The following SYN3 variants were observed in gnomAD, a reference collection of about 807,000 sequenced individuals.
The protein encoded by SYN3 is synapsin III.
Under a neutral mutation model 65.8 loss-of-function variants are expected in SYN3, and 35 were observed. The observed-to-expected ratio is 0.53, with a 90% confidence interval of 0.41 to 0.70. The LOEUF is 0.70. Among genes scored for constraint, SYN3 ranks in the 30% least tolerant of loss-of-function variants. The pLI, the probability that SYN3 is intolerant of heterozygous loss-of-function variation, is 0.00. For synonymous variants in SYN3, 270 were observed against 292.9 expected, an observed-to-expected ratio of 0.92 and a Z score of 0.80; for missense variants, 680 against 749.0, an observed-to-expected ratio of 0.91 and a Z score of 1.08.
At chr22:32,895,882 C>A (rs753519831) in intron 4 of SYN3, among the ~76,000 whole-genome samples, 1 of 152,116 alleles carries the variant, frequency 6.6e-6, no homozygotes, top group African/African-American at 2.4e-5. Context: ...ACCAACCCAG[C>A]CTGTTATTTA....
intron 4 of SYN3, among the ~76,000 whole-genome samples, chr22:32,913,932 T>A (rs1217041299): frequency 6.6e-6 from 1 of 152,248 alleles, no homozygotes; most frequent in Admixed American, 6.5e-5. Flanking sequence ...TTGTGTTTTG[T>A]GCTTTGATGA....
intron 4 of SYN3, among the ~76,000 whole-genome samples, chr22:32,882,638 G>A (rs1280333900): frequency 1.3e-5 from 2 of 152,256 alleles, no homozygotes; most frequent in East Asian, 1.9e-4. Context: ...GCTCCAGAGC[G>A]GGTGTCTTAA....
At chr22:32,635,099 A>G (rs977027035) in intron 6 of SYN3, 1 of 152,116 alleles carries the variant, frequency 6.6e-6, no homozygotes, top group African/African-American at 2.4e-5. Flanking sequence ...CTTGTTGTAT[A>G]TCGGTCTACA....
chr22:32,513,406 A>C lies in SYN3; in HGVS notation c.*286T>G. On this transcript the variant is annotated 3_prime_UTR_variant, in exon 14 of 14. Transcript: ENST00000358763. ...ATCTCACTTGGTTATCTGGCAGGTA[A>C]GCAGGCACGTGGGTAGGCAGAGGGT... 1 of 302,802 alleles carries C rather than the reference A, an allele frequency of 3.3e-6. No individual in the cohort carries two copies. The highest frequency in any genetic ancestry group is 6.1e-6 in the Non-Finnish European group (1 of 163,080). 18.8% of individuals were successfully genotyped at this position (302,802 alleles called of 1,614,324 possible).
chr22:32,572,244 T>TCCTC (rs2058769169), intron 7 of SYN3, among the ~76,000 whole-genome samples: 1 of 111,652 alleles, frequency 9.0e-6, no homozygotes, highest in African/African-American at 3.8e-5. Flanking sequence ...AGATTCTGGC[T>TCCTC]CCTTCCTTCC....
chr22:32,965,760 T>C (rs993031239), intron 3 of SYN3, among the ~76,000 whole-genome samples: 3 of 152,148 alleles, frequency 2.0e-5, no homozygotes, highest in East Asian at 1.9e-4. Context: ...AGTGGCACGA[T>C]CTCGGCTCAC....
chr22:32,771,941 C>T (rs1602109039), intron 6 of SYN3, among the ~76,000 whole-genome samples: 1 of 152,008 alleles, frequency 6.6e-6, no homozygotes, highest in East Asian at 1.9e-4. Flanking sequence ...TGCTTGGAAG[C>T]AGGTTTGTTT....
intron 6 of SYN3, among the ~76,000 whole-genome samples, chr22:32,675,863 C>T (rs1298717746): frequency 6.6e-6 from 1 of 152,136 alleles, no homozygotes; most frequent in Non-Finnish European, 1.5e-5. Flanking sequence ...TTCCCCTTTG[C>T]CCTAGGAGCC....
chr22:32,938,743 G>A (rs1219015432), intron 3 of SYN3, among the ~76,000 whole-genome samples: 8 of 151,950 alleles, frequency 5.3e-5, no homozygotes, highest in Non-Finnish European at 1.2e-4. Context: ...CCTGGCCAAC[G>A]TGGCAAAACC....
At chr22:32,751,379 G>A (rs933277011) in intron 6 of SYN3, among the ~76,000 whole-genome samples, 3 of 152,172 alleles carry the variant, frequency 2.0e-5, no homozygotes, top group East Asian at 1.9e-4. Context: ...GGGGAAAGGC[G>A]AAAGTGCTTT....
In SYN3 at chr22:32,837,911, T is replaced by C. The variant is rs2047780994; in HGVS notation, c.711+27004A>G. Among the ~76,000 whole-genome samples, 1 of 152,192 alleles carries C rather than the reference T, an allele frequency of 6.6e-6. No individual in the cohort carries two copies. Among genetic ancestry groups the C allele is most frequent in the East Asian group, 1.9e-4 (1 of 5,190 alleles). On this transcript the variant is annotated intron_variant, in intron 6 of 13. Coordinates refer to ENST00000358763, the MANE Select transcript of SYN3 (RefSeq NM_003490.4). The surrounding 1 kb of genome is among the most constrained non-coding windows in gnomAD (Gnocchi z 4.1). ...CTCCAATGGGCTGGACTCTCCAGCC[T>C]CCGGGCCTCTGCCCAACCATGACCA...
intron 6 of SYN3, among the ~76,000 whole-genome samples, chr22:32,648,380 GT>G (rs1290259412): frequency 3.3e-5 from 5 of 152,168 alleles, no homozygotes; most frequent in Admixed American, 2.0e-4. Context: ...GTAGTCATCA[GT>G]TTCTTTGAAA....
chr22:32,774,448 C>G (rs557712594), intron 6 of SYN3, among the ~76,000 whole-genome samples: 2 of 152,140 alleles, frequency 1.3e-5, no homozygotes, highest in South Asian at 4.2e-4. Flanking sequence ...AAGGAAGGAC[C>G]CTCCTCCCCT....
At chr22:32,802,309 C>G (rs575967868) in intron 6 of SYN3, among the ~76,000 whole-genome samples, 1 of 152,190 alleles carries the variant, frequency 6.6e-6, no homozygotes, top group Non-Finnish European at 1.5e-5. Context: ...GGAAGATGCC[C>G]TGCAGAGGAA....
chr22:33,018,656 C>T (rs781138394), intron 1 of SYN3, among the ~76,000 whole-genome samples: 1 of 152,174 alleles, frequency 6.6e-6, no homozygotes, highest in Non-Finnish European at 1.5e-5. Flanking sequence ...ATGAGAGCTG[C>T]CCCACAGCGG....
intron 4 of SYN3, among the ~76,000 whole-genome samples, chr22:32,908,445 C>T (rs1161117824): frequency 4.3e-5 from 6 of 140,072 alleles, no homozygotes; most frequent in East Asian, 2.1e-4. Context: ...GGCTGGGGTT[C>T]GGTGGTATGG....
intron 5 of SYN3, among the ~76,000 whole-genome samples, chr22:32,867,643 C>T (rs5749532): frequency 1.3e-5 from 2 of 152,006 alleles, no homozygotes; most frequent in Non-Finnish European, 2.9e-5. Context: ...AGCGCAGTGG[C>T]GCAATCTCAG....
At chr22:32,612,989 C>T (rs369558648) in intron 6 of SYN3, among the ~76,000 whole-genome samples, 27 of 152,144 alleles carry the variant, frequency 1.8e-4, no homozygotes, top group Non-Finnish European at 2.9e-4. Flanking sequence ...GCTGTTCTTG[C>T]GATAGTAAGG....
chr22:32,739,019 T>C (rs964258096), intron 6 of SYN3, among the ~76,000 whole-genome samples: 1 of 152,264 alleles, frequency 6.6e-6, no homozygotes, highest in East Asian at 1.9e-4. Flanking sequence ...TTCTTATTTC[T>C]TAATTGGTTT....
Sources: allele counts gnomAD v4.1 joint callset (sites outside exome capture counted in the v4.1 genomes callset), GRCh38; gene constraint gnomAD v4.1.1; non-coding constraint Gnocchi (gnomAD v3.1); transcripts MANE v1.5; gene names NCBI Gene and HGNC (gene_info 2026-07-23, HGNC 2026-07-21).